Variants in MMP20 observed in about 807,000 individuals in gnomAD.
The protein encoded by MMP20 is matrix metallopeptidase 20, also known as matrix metalloproteinase-20.
Under a neutral mutation model 51.8 loss-of-function variants are expected in MMP20, and 50 were observed. The ratio of observed to expected loss-of-function variants is 0.97; its 90% confidence interval spans 0.77 to 1.22. The LOEUF (loss-of-function observed/expected upper bound fraction) is 1.22, where lower values mean the gene tolerates loss of function less well. Among genes scored for constraint, MMP20 ranks in the 50% most tolerant of loss-of-function variants. MMP20 has a pLI of 0.00. For synonymous variants in MMP20, 244 were observed against 216.2 expected, an observed-to-expected ratio of 1.13 and a Z score of -1.13; for missense variants, 663 against 601.4, an observed-to-expected ratio of 1.10 and a Z score of -1.07.
At position 102,593,534 on chromosome 11, in the gene MMP20, G is replaced by A. The variant is rs1859343277; in HGVS notation, c.1152C>T (p.Asp384=). ...GCTGCACGTGCCTTGGAAATCCAAA[G>A]TCATAAATAGTCCGAGGAGGACCTT... The part of the protein sequence containing the change: ...QMQGPPRTIY[D]FGFPRHVQQI... The change falls in exon 8 of 10, where the codon GAC becomes GAT. Residue 384 remains aspartate (D), a synonymous_variant. Transcript: ENST00000260228. 1.2e-6 allele frequency: 2 copies of A among 1,614,012 alleles called. No homozygotes were observed. Among genetic ancestry groups the A allele is most frequent in the African/African-American group, 2.7e-5 (2 of 74,922 alleles).
chr11:102,598,413 G>T (rs1365895343), intron 6 of MMP20, among the ~76,000 whole-genome samples: 1 of 152,194 alleles, frequency 6.6e-6, no homozygotes, highest in Non-Finnish European at 1.5e-5. Context: ...TGATATTTTA[G>T]ATCTGCTGAT....
chr11:102,601,215 C>T (rs113127041), intron 6 of MMP20, among the ~76,000 whole-genome samples: 13,584 of 37,236 alleles, frequency 0.36, 3,676 homozygotes, highest in Middle Eastern at 0.66. Flanking sequence ...TCACTGCAAG[C>T]TCCGCCTCCC....
At chr11:102,624,662 G>T (rs1020158713) in intron 1 of MMP20, among the ~76,000 whole-genome samples, 2 of 152,050 alleles carry the variant, frequency 1.3e-5, no homozygotes, top group Non-Finnish European at 2.9e-5. Flanking sequence ...GCTTTAGGGA[G>T]AAAAGGCCTT....
rs192845436 is a variant in MMP20 at position 102,606,762 on chromosome 11, C to T, written c.812-86G>A. On this transcript the variant is annotated intron_variant, in intron 5 of 9. Coordinates refer to ENST00000260228, the MANE Select transcript of MMP20 (RefSeq NM_004771.4). ...CTCTAGAGCCCCAGGGGAGGTTGTA[C>T]ACTTTCACGCTGGACATGTGATCAT... is the stretch of plus-strand genomic sequence containing the variant. The T allele has an allele frequency of 6.8e-6, 10 of 1,467,846 alleles. No individual in the cohort carries two copies. The East Asian group carries it at 1.4e-4, about 20-fold the overall frequency. The allele number at this position is 1,467,846 out of a possible 1,614,324, so 90.9% of individuals were successfully genotyped here. A position where few individuals can be genotyped will look rare whatever the true frequency, so the allele number is the denominator to read the frequency against.
intron 2 of MMP20, among the ~76,000 whole-genome samples, chr11:102,615,077 G>A (rs564194016): frequency 6.8e-6 from 1 of 146,346 alleles, no homozygotes; most frequent in African/African-American, 2.5e-5. Flanking sequence ...TTAATATAAT[G>A]TATTTAATAT....
chr11:102,617,369 G>GA (rs1355325874), intron 1 of MMP20, among the ~76,000 whole-genome samples: 1 of 152,016 alleles, frequency 6.6e-6, no homozygotes, highest in Non-Finnish European at 1.5e-5. Flanking sequence ...TTTTTTAAAA[G>GA]AAAAAAATTC....
rs145109609 is a variant in MMP20, at chr11:102,609,081, C to A, written c.667G>T (p.Val223Phe). The A allele has an allele frequency of 6.8e-6, 11 of 1,613,940 alleles. No individual in the cohort carries two copies. The Admixed American group carries it at 1.5e-4, about 22-fold the overall frequency. The change falls in exon 5 of 10, where the codon GTT (valine) becomes TTT (phenylalanine). Residue 223 changes from valine (V) to phenylalanine (F), a missense_variant. Transcript: ENST00000260228. ...MGTNGFNLFTVAAHEFGHALG... is the reference protein window; with the variant it reads ...MGTNGFNLFTFAAHEFGHALG... ...GCATGGCCAAATTCATGAGCAGCAA[C>A]GGTAAACAAATTAAAACCTAGACAA...
At chr11:102,603,973 G>A (rs1191909787) in intron 6 of MMP20, among the ~76,000 whole-genome samples, 1 of 151,666 alleles carries the variant, frequency 6.6e-6, no homozygotes, top group Non-Finnish European at 1.5e-5. Flanking sequence ...TTGACTTTAA[G>A]TAGTCATTAG....
chr11:102,622,815 C>G (rs1859767626), intron 1 of MMP20, among the ~76,000 whole-genome samples: 1 of 152,226 alleles, frequency 6.6e-6, no homozygotes, highest in Non-Finnish European at 1.5e-5. Context: ...AATACATGAA[C>G]TTATGCTGCC....
chr11:102,615,461 G>A (rs749903881), intron 2 of MMP20, among the ~76,000 whole-genome samples: 2 of 152,048 alleles, frequency 1.3e-5, no homozygotes, highest in Non-Finnish European at 2.9e-5. Context: ...GCTATTAGGC[G>A]GCAGCTCTAC....
chr11:102,606,903 A>C, intron 5 of MMP20: 1 of 543,038 alleles, frequency 1.8e-6, no homozygotes, highest in Non-Finnish European at 3.3e-6. Flanking sequence ...CACTTGTTAA[A>C]AGGGAGGGAT....
chr11:102,595,415 C>T (rs1859370287), intron 6 of MMP20, among the ~76,000 whole-genome samples: 1 of 152,182 alleles, frequency 6.6e-6, no homozygotes, highest in African/African-American at 2.4e-5. Flanking sequence ...ATGCACCCCC[C>T]CATTCCAAAT....
At chr11:102,619,717 C>A (rs1331009377) in intron 1 of MMP20, among the ~76,000 whole-genome samples, 1 of 151,546 alleles carries the variant, frequency 6.6e-6, no homozygotes, top group Non-Finnish European at 1.5e-5. Context: ...AAGGGACTAA[C>A]AGTGGTTAAA....
intron 8 of MMP20, among the ~76,000 whole-genome samples, chr11:102,589,012 TGA>T (rs2135931356): frequency 6.6e-6 from 1 of 152,346 alleles, no homozygotes; most frequent in Non-Finnish European, 1.5e-5. Context: ...TTAATCTTAT[TGA>T]GTTTCTCCCT....
chr11:102,602,672 G>A (rs950571096), intron 6 of MMP20, among the ~76,000 whole-genome samples: 7 of 152,184 alleles, frequency 4.6e-5, no homozygotes, highest in Non-Finnish European at 1.0e-4. Context: ...GTCTGCTGAG[G>A]CTAAAAGACC....
At chr11:102,623,417 T>C (rs1859775249) in intron 1 of MMP20, among the ~76,000 whole-genome samples, 1 of 152,314 alleles carries the variant, frequency 6.6e-6, no homozygotes, top group Non-Finnish European at 1.5e-5. Flanking sequence ...CAGAACCCTA[T>C]TGTGAACTGC....
intron 9 of MMP20, among the ~76,000 whole-genome samples, chr11:102,578,701 A>C (rs1278675975): frequency 6.6e-6 from 1 of 152,162 alleles, no homozygotes; most frequent in Non-Finnish European, 1.5e-5. Context: ...GCGCCACTGC[A>C]GTCCAGCCTG....
chr11:102,623,106 G>A (rs1245971019), intron 1 of MMP20, among the ~76,000 whole-genome samples: 1 of 152,218 alleles, frequency 6.6e-6, no homozygotes, highest in African/African-American at 2.4e-5. Flanking sequence ...AAGGGAGACA[G>A]AGAAGGGTTG....
At chr11:102,606,367 G>A (rs1859515921) in intron 6 of MMP20, among the ~76,000 whole-genome samples, 168 bp downstream of exon 6, 1 of 152,150 alleles carries the variant, frequency 6.6e-6, no homozygotes, top group Admixed American at 6.5e-5. Flanking sequence ...CAGTAGTTTT[G>A]GCAGTTCTCT....
Sources: allele counts gnomAD v4.1 joint callset (sites outside exome capture counted in the v4.1 genomes callset), GRCh38; gene constraint gnomAD v4.1.1; transcripts MANE v1.5; gene names NCBI Gene and HGNC (gene_info 2026-07-23, HGNC 2026-07-21).